PCDHGB5: variants seen among roughly 807,000 people sequenced by gnomAD.
PCDHGB5 encodes the protein protocadherin gamma subfamily B, 5, also known as protocadherin gamma-B5.
Under a neutral mutation model 62.9 loss-of-function variants are expected in PCDHGB5, and 48 were observed. The ratio of observed to expected loss-of-function variants is 0.76; its 90% CI spans 0.61 to 0.97. PCDHGB5 has a LOEUF of 0.97. PCDHGB5 is among the 50% of genes least tolerant of loss of function. The pLI is 0.00. For synonymous variants in PCDHGB5, 474 were observed against 511.2 expected (o/e 0.93, Z 0.98); for missense variants, 1,118 against 1,198.6 (o/e 0.93, Z 0.99).
At chr5:141,466,376 C>A (rs1046432765) in intron 1 of PCDHGB5, among the ~76,000 whole-genome samples, 1 of 151,904 alleles carries the variant, frequency 6.6e-6, no homozygotes, top group Non-Finnish European at 1.5e-5. Flanking sequence ...GTTTTGGCAC[C>A]CATCTAATGG....
Position 141,489,363 on chromosome 5 carries a change from G to A in PCDHGB5, c.2398-5444G>A, listed in dbSNP as rs767837736. On this transcript the variant is annotated intron_variant, in intron 1 of 3. Transcript: ENST00000617380. This position sits in a 1 kb window ranked among gnomAD's most constrained non-coding sequence, Gnocchi z 4.5. ...ACTCAGTGGTGGAGGAGTCTGAGCC[G>A]GGGACGCTGGTGGGGAATGTTGCTC... 46 of 1,613,114 alleles carry A rather than the reference G, an allele frequency of 2.9e-5. 1 individual carries two copies. In the South Asian group the frequency reaches 3.4e-4, roughly 12 times the overall value.
intron 1 of PCDHGB5, chr5:141,415,073 C>G: frequency 1.9e-6 from 3 of 1,613,434 alleles, no homozygotes; most frequent in Non-Finnish European, 2.5e-6. Flanking sequence ...GTGCGCACGG[C>G]GCGAGCCCTG....
intron 1 of PCDHGB5, among the ~76,000 whole-genome samples, chr5:141,488,087 G>A (rs1479773288): frequency 6.6e-6 from 1 of 152,198 alleles, no homozygotes; most frequent in East Asian, 1.9e-4. Flanking sequence ...CTAGTACACT[G>A]TGAAGGGACC....
At chr5:141,422,375 T>G (rs2096644332) in intron 1 of PCDHGB5, 3 of 1,570,696 alleles carry the variant, frequency 1.9e-6, no homozygotes, top group Admixed American at 1.9e-5. Flanking sequence ...AATGGTCAAG[T>G]CTCCTGTTTT....
intron 1 of PCDHGB5, chr5:141,419,325 A>G (rs1490162008): frequency 6.2e-7 from 1 of 1,613,586 alleles, no homozygotes; most frequent in Non-Finnish European, 8.5e-7. Flanking sequence ...CGTGTCTCCT[A>G]CTCTCTCATT....
At chr5:141,475,778 T>A (rs1204790631) in intron 1 of PCDHGB5, among the ~76,000 whole-genome samples, 1 of 152,400 alleles carries the variant, frequency 6.6e-6, no homozygotes. Context: ...GCGCTTTGGC[T>A]GGAAACTCTG....
intron 1 of PCDHGB5, chr5:141,418,954 T>G (rs1490406390): frequency 6.2e-7 from 1 of 1,613,914 alleles, no homozygotes; most frequent in East Asian, 2.2e-5. Flanking sequence ...CAGGAGTGGT[T>G]GTTGCCCTCT....
At chr5:141,494,156 C>T (rs566096073) in intron 1 of PCDHGB5, among the ~76,000 whole-genome samples, 22 of 152,316 alleles carry the variant, frequency 1.4e-4, no homozygotes, top group African/African-American at 4.3e-4. Context: ...TTGTCTGGCA[C>T]GGAGTTCTAG....
chr5:141,473,479 G>GA (rs150184379), intron 1 of PCDHGB5, among the ~76,000 whole-genome samples: 6,877 of 152,218 alleles, frequency 0.045, 184 homozygotes, highest in Middle Eastern at 0.088. Flanking sequence ...AAGTTCAATG[G>GA]AAAAAATATA....
chr5:141,419,420 G>C (rs774685112), intron 1 of PCDHGB5: 10 of 1,613,372 alleles, frequency 6.2e-6, no homozygotes, highest in Non-Finnish European at 7.6e-6. Flanking sequence ...GCGCGCCTTC[G>C]ACCACGAGCA....
At chr5:141,464,228 G>A (rs1196103285) in intron 1 of PCDHGB5, among the ~76,000 whole-genome samples, 1 of 148,156 alleles carries the variant, frequency 6.7e-6, no homozygotes, top group African/African-American at 2.5e-5. Context: ...TTGCGCCACT[G>A]CACTCCAGCC....
intron 1 of PCDHGB5, chr5:141,430,875 T>A (rs1323872183): frequency 6.3e-7 from 1 of 1,599,400 alleles, no homozygotes; most frequent in Non-Finnish European, 8.5e-7. Context: ...CCGGAAGAGC[T>A]GGAGAAAGGC....
At chr5:141,484,478 A>G (rs2099596967) in intron 1 of PCDHGB5, among the ~76,000 whole-genome samples, 1 of 152,244 alleles carries the variant, frequency 6.6e-6, no homozygotes, top group Admixed American at 6.5e-5. Context: ...CTTTTCTGCA[A>G]AGAGATGGAT....
intron 1 of PCDHGB5, among the ~76,000 whole-genome samples, chr5:141,454,538 C>G (rs1229435473): frequency 6.6e-6 from 1 of 152,110 alleles, no homozygotes; most frequent in African/African-American, 2.4e-5. Context: ...TCCCAAGTAG[C>G]TGAGATTACA....
chr5:141,458,594 G>A (rs1226490392), intron 1 of PCDHGB5, among the ~76,000 whole-genome samples: 2 of 151,612 alleles, frequency 1.3e-5, no homozygotes, highest in South Asian at 2.1e-4. Flanking sequence ...TTTTGGAGAC[G>A]AGTCTCACTC....
chr5:141,400,145 A>T lies in PCDHGB5; in HGVS notation c.2018A>T (p.Asp673Val), dbSNP rs543908773. ...SLQEVLPDITDRPVPSDPQAE... is the reference protein window; with the variant it reads ...SLQEVLPDITVRPVPSDPQAE... ...CAGGAGGTGCTGCCGGATATCACTGACCGCCCTGTACCCTCTGACCCCCAG... is the reference window on the plus strand; with the variant it reads ...CAGGAGGTGCTGCCGGATATCACTGTCCGCCCTGTACCCTCTGACCCCCAG... The change falls in exon 1 of 4, where the codon GAC (aspartate) becomes GTC (valine). Residue 673 changes from aspartate (D) to valine (V), a missense_variant. Physicochemically the swap from Asp to Val is radical, Grantham distance 152. Coordinates refer to ENST00000617380, the MANE Select transcript of PCDHGB5 (RefSeq NM_018925.3). 6 of 1,613,314 alleles carry T rather than the reference A, an allele frequency of 3.7e-6. No homozygotes were observed. Among genetic ancestry groups the T allele is most frequent in the Non-Finnish European group, 4.2e-6 (5 of 1,179,260 alleles).
Position 141,397,997 on chromosome 5 carries a change from C to T in PCDHGB5, c.-131C>T, listed in dbSNP as rs2093595590. ...GCCGGCCTTTACACCGCTTCCTCCTCGGAAAAAGAATCGTTTCCTAAACTG... is the reference window on the plus strand; with the variant it reads ...GCCGGCCTTTACACCGCTTCCTCCTTGGAAAAAGAATCGTTTCCTAAACTG... On this transcript the variant is annotated 5_prime_UTR_variant, in exon 1 of 4. Coordinates refer to ENST00000617380, the MANE Select transcript of PCDHGB5 (RefSeq NM_018925.3). The T allele has an allele frequency of 6.6e-6, 9 of 1,372,980 alleles. No individual in the cohort carries two copies. The Admixed American group carries it at 2.4e-4, about 37-fold the overall frequency. The allele number at this position is 1,372,980 out of a possible 1,614,324, so 85.0% of individuals were successfully genotyped here.
intron 1 of PCDHGB5, chr5:141,418,042 G>A: frequency 6.2e-7 from 1 of 1,614,014 alleles, no homozygotes; most frequent in South Asian, 1.1e-5. Context: ...TCCTGGATGT[G>A]TCGGCTCGCG....
Position 141,485,072 on chromosome 5 carries a change from G to C in PCDHGB5, c.2398-9735G>C. 1.1e-6 allele frequency: 1 copy of C among 917,012 alleles called. No individual in the cohort carries two copies. The highest frequency in any genetic ancestry group is 1.7e-6 in the Non-Finnish European group (1 of 587,880). 56.8% of individuals were successfully genotyped at this position (917,012 alleles called of 1,614,324 possible). On this transcript the variant is annotated intron_variant, in intron 1 of 3. Coordinates refer to ENST00000617380, the MANE Select transcript of PCDHGB5 (RefSeq NM_018925.3). The surrounding 1 kb of genome is among the most constrained non-coding windows in gnomAD (Gnocchi z 5.7). ...CCGGCCGAACCGCGCCAGAGCTGGCGCGGGGAAAGGGAGATAGGTGTCTCC... is the reference window on the plus strand; with the variant it reads ...CCGGCCGAACCGCGCCAGAGCTGGCCCGGGGAAAGGGAGATAGGTGTCTCC...
Sources: allele counts gnomAD v4.1 joint callset (sites outside exome capture counted in the v4.1 genomes callset), GRCh38; gene constraint gnomAD v4.1.1; non-coding constraint Gnocchi (gnomAD v3.1); transcripts MANE v1.5; gene names NCBI Gene and HGNC (gene_info 2026-07-23, HGNC 2026-07-21).